The following LARP1 variants were observed in gnomAD, a reference collection of about 807,000 sequenced individuals.
The protein encoded by LARP1 is La ribonucleoprotein 1, translational regulator.
In LARP1, 36 loss-of-function variants were observed where a neutral mutation model predicts 122.7. That is an observed-to-expected ratio of 0.29 (90% CI 0.22 to 0.39). The LOEUF (loss-of-function observed/expected upper bound fraction) is 0.39. LARP1 is among the 10% of genes least tolerant of loss of function. LARP1 has a pLI of 1.00. For synonymous variants in LARP1, 539 were observed against 528.7 expected, an observed-to-expected ratio of 1.02 and a Z score of -0.27; for missense variants, 1,040 against 1,403.6, an observed-to-expected ratio of 0.74 and a Z score of 4.14.
intron 1 of LARP1, among the ~76,000 whole-genome samples, chr5:154,739,211 G>A (rs1026351327): frequency 1.3e-5 from 2 of 151,924 alleles, no homozygotes; most frequent in African/African-American, 4.8e-5. Context: ...TAGTAGAGAC[G>A]GGGTTTCACC....
intron 1 of LARP1, among the ~76,000 whole-genome samples, chr5:154,739,191 AT>A (rs570973567): frequency 8.7e-5 from 13 of 148,614 alleles, no homozygotes; most frequent in South Asian, 2.1e-4. Flanking sequence ...AATTTTTTGT[AT>A]TTTTTTTTTA....
chr5:154,749,512 C>T (rs1026229831), intron 1 of LARP1, among the ~76,000 whole-genome samples: 5 of 152,180 alleles, frequency 3.3e-5, no homozygotes, highest in African/African-American at 4.8e-5. Context: ...TCAGTCCCCA[C>T]CCCACCTCCT....
chr5:154,688,653 C>CAAAAAAAA (rs10677648), intron 1 of LARP1, among the ~76,000 whole-genome samples: 1 of 79,446 alleles, frequency 1.3e-5, no homozygotes, highest in Non-Finnish European at 2.2e-5. Flanking sequence ...GACTCCATCT[C>CAAAAAAAA]AAAAAAAAAA....
intron 1 of LARP1, among the ~76,000 whole-genome samples, chr5:154,725,849 CT>C (rs1441772305): frequency 1.3e-5 from 2 of 150,034 alleles, no homozygotes; most frequent in South Asian, 2.1e-4. Context: ...TCTTCTTCTT[CT>C]TTTTTTTTGA....
chr5:154,795,769 T>G (rs1304175145), intron 8 of LARP1, among the ~76,000 whole-genome samples: 3 of 145,838 alleles, frequency 2.1e-5, no homozygotes, highest in African/African-American at 5.1e-5. Flanking sequence ...AACAGTTCCT[T>G]AATATCATCA....
At chr5:154,687,017 AGTCACAGCATG>A (rs1169440613) in intron 1 of LARP1, among the ~76,000 whole-genome samples, 4 of 152,224 alleles carry the variant, frequency 2.6e-5, no homozygotes, top group African/African-American at 9.6e-5. Flanking sequence ...CCGACCCCTC[AGTCACAGCATG>A]GTGCTGTGAT....
In LARP1 at chr5:154,814,476, C is replaced by T. The variant is rs1365871039; in HGVS notation, c.*380C>T. The T allele has an allele frequency of 6.5e-6, 1 of 152,942 alleles. No individual in the cohort carries two copies. Among genetic ancestry groups the T allele is most frequent in the East Asian group, 1.9e-4 (1 of 5,196 alleles). 9.5% of individuals were successfully genotyped at this position (152,942 alleles called of 1,614,324 possible). A position where few individuals can be genotyped will look rare whatever the true frequency, so the allele number is the denominator to read the frequency against. On this transcript the variant is annotated 3_prime_UTR_variant, in exon 19 of 19. Coordinates refer to ENST00000518297, the MANE Select transcript of LARP1 (RefSeq NM_033551.3). ...GCTAGTAGGCTGCAACCCTGGTCCCCACCCCTAACCTCCTGCTCCCCCTCA... is the reference window on the plus strand; with the variant it reads ...GCTAGTAGGCTGCAACCCTGGTCCCTACCCCTAACCTCCTGCTCCCCCTCA...
At chr5:154,754,439 A>G (rs148789478), upstream of LARP1, among the ~76,000 whole-genome samples, 28 of 152,200 alleles carry the variant, frequency 1.8e-4, no homozygotes, top group East Asian at 5.4e-3. Flanking sequence ...AGAGATGGTA[A>G]GGGGGCAGGG....
chr5:154,693,244 C>T (rs1261049490), intron 1 of LARP1, among the ~76,000 whole-genome samples: 4 of 151,952 alleles, frequency 2.6e-5, no homozygotes, highest in African/African-American at 9.7e-5. Flanking sequence ...CTCAAGCAAT[C>T]CTCCCACCTC....
chr5:154,770,619 T>G (rs1265869132), intron 1 of LARP1, among the ~76,000 whole-genome samples: 2 of 152,152 alleles, frequency 1.3e-5, no homozygotes, highest in African/African-American at 4.8e-5. Flanking sequence ...ATCTTGACCC[T>G]GAGTCTGTAT....
chr5:154,737,229 C>T (rs1037541020), intron 1 of LARP1, among the ~76,000 whole-genome samples: 16 of 151,556 alleles, frequency 1.1e-4, no homozygotes, highest in Admixed American at 5.3e-4. Context: ...TTAGTAGAGA[C>T]GGGGTTTCAC....
intron 18 of LARP1, among the ~76,000 whole-genome samples, chr5:154,812,389 G>A (rs758978916): frequency 6.6e-5 from 10 of 152,130 alleles, no homozygotes; most frequent in Non-Finnish European, 1.2e-4. Context: ...TTGACTCACA[G>A]TTCTGCATGG....
intron 1 of LARP1, among the ~76,000 whole-genome samples, chr5:154,762,354 C>T (rs180726894): frequency 1.3e-5 from 2 of 152,076 alleles, no homozygotes; most frequent in South Asian, 4.1e-4. Flanking sequence ...ATTACTCACT[C>T]TGAGGGTTTA....
intron 1 of LARP1, among the ~76,000 whole-genome samples, chr5:154,757,676 A>C (rs1261731432): frequency 6.6e-6 from 1 of 152,146 alleles, no homozygotes; most frequent in Non-Finnish European, 1.5e-5. Flanking sequence ...CAGAATAGCC[A>C]GTCCTGAAAA....
rs1236136686 is a variant in LARP1, at chr5:154,816,070, C to A, written c.*1974C>A. ...CCTTGGGCACCTTGTTAATTTTTAG[C>A]CTGTGCCCTTCCCCACCTTTGCCCT... is the stretch of plus-strand genomic sequence containing the variant. On this transcript the variant is annotated 3_prime_UTR_variant, in exon 19 of 19. Transcript: ENST00000518297. The A allele has an allele frequency of 6.6e-6, 1 of 152,640 alleles. No homozygotes were observed. The highest frequency in any genetic ancestry group is 2.4e-5 in the African/African-American group (1 of 41,450). 9.5% of individuals were successfully genotyped at this position (152,640 alleles called of 1,614,324 possible). A position where few individuals can be genotyped will look rare whatever the true frequency, so the allele number is the denominator to read the frequency against.
exon 1 of LARP1, chr5:154,713,096 G>T: frequency 6.2e-7 from 1 of 1,614,056 alleles, no homozygotes; most frequent in Non-Finnish European, 8.5e-7. Flanking sequence ...AGAAGCCATT[G>T]CCATTCCCTG....
upstream of LARP1, among the ~76,000 whole-genome samples, chr5:154,710,472 G>A (rs1405039472): frequency 6.6e-6 from 1 of 151,880 alleles, no homozygotes; most frequent in African/African-American, 2.4e-5. Flanking sequence ...GGCCAGACAC[G>A]GTGGCTCACA....
chr5:154,701,709 C>T (rs1754722705), intron 1 of LARP1, among the ~76,000 whole-genome samples: 1 of 151,650 alleles, frequency 6.6e-6, no homozygotes, highest in Admixed American at 6.6e-5. Context: ...GCAACCTCCG[C>T]CTCCCAGGTT....
At chr5:154,753,506 A>G (rs1014224514), upstream of LARP1, among the ~76,000 whole-genome samples, 1 of 152,222 alleles carries the variant, frequency 6.6e-6, no homozygotes, top group African/African-American at 2.4e-5. Context: ...TTAAGAGTAC[A>G]TGTAATGAAC....
Sources: gnomAD v4.1 joint callset for allele counts (sites outside exome capture counted in the v4.1 genomes callset) on GRCh38, gnomAD v4.1.1 for gene constraint, MANE v1.5 for transcripts, NCBI Gene and HGNC (gene_info 2026-07-23, HGNC 2026-07-21) for gene names.